ATP8A1: variants seen among roughly 807,000 people sequenced by gnomAD.
ATP8A1 encodes the protein phospholipid-transporting ATPase IA.
In ATP8A1, 90 loss-of-function variants were observed where a neutral mutation model predicts 177.7. The ratio of observed to expected loss-of-function variants is 0.51; its 90% CI spans 0.43 to 0.60. ATP8A1 has a LOEUF of 0.60. ATP8A1 is among the 20% of genes least tolerant of loss of function. The pLI is 0.00. For synonymous variants in ATP8A1, 493 were observed against 485.9 expected, an observed-to-expected ratio of 1.01 and a Z score of -0.19; for missense variants, 1,072 against 1,392.8, an observed-to-expected ratio of 0.77 and a Z score of 3.67.
chr4:42,427,804 G>C (rs796748214), intron 33 of ATP8A1, among the ~76,000 whole-genome samples: 2 of 152,312 alleles, frequency 1.3e-5, no homozygotes, highest in African/African-American at 4.8e-5. Flanking sequence ...GCAGCGTAAG[G>C]CTTCAAGAAG....
At chr4:42,645,477 T>C (rs1319790755) in intron 1 of ATP8A1, among the ~76,000 whole-genome samples, 1 of 152,188 alleles carries the variant, frequency 6.6e-6, no homozygotes, top group East Asian at 1.9e-4. Flanking sequence ...CCACTGCACA[T>C]GAGAATTACC....
chr4:42,612,413 T>C (rs73237912), intron 5 of ATP8A1, among the ~76,000 whole-genome samples: 31,881 of 143,822 alleles, frequency 0.22, 4,035 homozygotes, highest in Non-Finnish European at 0.29. Flanking sequence ...CTCTGTAGTG[T>C]TCCTATCTAG....
At chr4:42,499,689 T>G (rs1395969579) in intron 24 of ATP8A1, among the ~76,000 whole-genome samples, 1 of 152,230 alleles carries the variant, frequency 6.6e-6, no homozygotes, top group African/African-American at 2.4e-5. Context: ...TATGTTAGGT[T>G]GCCTGAAAGT....
At chr4:42,582,907 T>C (rs1452724044) in intron 9 of ATP8A1, among the ~76,000 whole-genome samples, 1 of 152,046 alleles carries the variant, frequency 6.6e-6, no homozygotes, top group Non-Finnish European at 1.5e-5. Flanking sequence ...TTGAGGAAAA[T>C]GTAATACATA....
chr4:42,654,264 A>G (rs1393208368), intron 1 of ATP8A1, among the ~76,000 whole-genome samples: 1 of 152,176 alleles, frequency 6.6e-6, no homozygotes, highest in Non-Finnish European at 1.5e-5. Context: ...AGCATGCACA[A>G]TATTTAATTA....
intron 15 of ATP8A1, among the ~76,000 whole-genome samples, chr4:42,567,397 G>T (rs888648833): frequency 6.6e-5 from 10 of 152,118 alleles, no homozygotes; most frequent in Non-Finnish European, 1.5e-5. Context: ...ACATTAGCCA[G>T]GTGTGGTGGT....
chr4:42,524,665 G>A (rs111997833), intron 21 of ATP8A1, 98 bp downstream of exon 21: 1 of 665,074 alleles, frequency 1.5e-6, no homozygotes, highest in Non-Finnish European at 2.4e-6. Flanking sequence ...CTTACTTTAG[G>A]AATCTCTAAG....
intron 30 of ATP8A1, among the ~76,000 whole-genome samples, chr4:42,451,119 A>G (rs1399420026): frequency 6.6e-6 from 1 of 152,072 alleles, no homozygotes; most frequent in Admixed American, 6.6e-5. Flanking sequence ...CTGAGGAGGG[A>G]AGCACCTGGC....
rs56931722 is a variant in ATP8A1, at chr4:42,609,171, G to A, written c.409+6862C>T. On this transcript the variant is annotated intron_variant, in intron 5 of 36. Transcript: ENST00000381668. ...CATTTATACAACCTTTAAATGAGTT[G>A]TCCTAAAAGCACGACCCCCTCACCA... Among the ~76,000 whole-genome samples, 1,173 of 152,178 alleles carry A rather than the reference G, an allele frequency of 7.7e-3. 19 individuals carry two copies. Among genetic ancestry groups the A allele is most frequent in the African/African-American group, 0.027 (1,112 of 41,498 alleles).
At chr4:42,635,632 T>A (rs1739190935) in intron 1 of ATP8A1, among the ~76,000 whole-genome samples, 1 of 151,494 alleles carries the variant, frequency 6.6e-6, no homozygotes, top group African/African-American at 2.4e-5. Flanking sequence ...TTAACCACTA[T>A]CCTTTTCAAA....
At chr4:42,479,157 A>G (rs1448816562) in intron 25 of ATP8A1, among the ~76,000 whole-genome samples, 2 of 152,160 alleles carry the variant, frequency 1.3e-5, no homozygotes, top group Non-Finnish European at 2.9e-5. Flanking sequence ...TTTGTTACTT[A>G]TAGTCTTATT....
At chr4:42,426,155 G>A (rs16854359) in intron 33 of ATP8A1, among the ~76,000 whole-genome samples, 4 of 152,090 alleles carry the variant, frequency 2.6e-5, no homozygotes, top group African/African-American at 9.7e-5. Flanking sequence ...AAGTCAGGGG[G>A]CATGACCGAT....
rs1352019924 is a variant in ATP8A1, at chr4:42,619,194, C to T, written c.364-3116G>A. Among the ~76,000 whole-genome samples, 5 of 152,090 alleles carry T rather than the reference C, an allele frequency of 3.3e-5. No homozygotes were observed. The East Asian group carries it at 5.8e-4, about 18-fold the overall frequency. On this transcript the variant is annotated intron_variant, in intron 4 of 36. Transcript: ENST00000381668. ...ATTACTTGATTAGTGTCGATCTCTT[C>T]TATTGGATATAAGCTCCATCACGGC...
At chr4:42,634,268 C>T (rs187635583) in intron 1 of ATP8A1, among the ~76,000 whole-genome samples, 51 of 152,284 alleles carry the variant, frequency 3.3e-4, no homozygotes, top group African/African-American at 9.9e-4. Context: ...TGCTACTCCA[C>T]GCAAAAGCCC....
intron 7 of ATP8A1, 37 bp from the exon 8 acceptor site, chr4:42,588,366 C>G (rs779164230): frequency 1.4e-5 from 21 of 1,546,694 alleles, no homozygotes; most frequent in Non-Finnish European, 1.8e-5. Context: ...AGATTTAGTG[C>G]GGGAAGAAAA....
At chr4:42,609,400 C>G (rs891318233) in intron 5 of ATP8A1, among the ~76,000 whole-genome samples, 6 of 152,208 alleles carry the variant, frequency 3.9e-5, no homozygotes. Flanking sequence ...ACCCTATTCT[C>G]GAAATGCTTT....
At chr4:42,438,316 T>C (rs1716232064) in intron 33 of ATP8A1, among the ~76,000 whole-genome samples, 2 of 152,346 alleles carry the variant, frequency 1.3e-5, no homozygotes, top group African/African-American at 4.8e-5. Flanking sequence ...AGTGACTACA[T>C]GAAAAGTGCC....
intron 16 of ATP8A1, 119 bp from the exon 17 acceptor site, chr4:42,552,729 T>C: frequency 1.5e-6 from 1 of 681,982 alleles, no homozygotes; most frequent in Non-Finnish European, 2.4e-6. Flanking sequence ...AGCTCACACC[T>C]GTAATCCCAG....
chr4:42,521,016 G>C (rs1275036031), intron 22 of ATP8A1, among the ~76,000 whole-genome samples: 1 of 152,146 alleles, frequency 6.6e-6, no homozygotes, highest in Non-Finnish European at 1.5e-5. Flanking sequence ...GGAGCAGAGG[G>C]GGGAAATAGT....
Sources: allele counts gnomAD v4.1 joint callset (sites outside exome capture counted in the v4.1 genomes callset), GRCh38; gene constraint gnomAD v4.1.1; transcripts MANE v1.5; gene names NCBI Gene and HGNC (gene_info 2026-07-23, HGNC 2026-07-21).